The following EXOC6 variants were observed in gnomAD, a reference collection of about 807,000 sequenced individuals.
EXOC6 encodes SEC15-like 1.
In EXOC6, 60 loss-of-function variants were observed where a neutral mutation model predicts 112.5. The ratio of observed to expected loss-of-function variants is 0.53; its 90% confidence interval spans 0.43 to 0.66. The LOEUF (loss-of-function observed/expected upper bound fraction) is 0.66. Among genes scored for constraint, EXOC6 ranks in the 30% least tolerant of loss-of-function variants. EXOC6 has a pLI of 0.00. For missense variants in EXOC6, 855 were observed against 957.1 expected (o/e 0.89, Z 1.41); for synonymous variants, 295 against 308.0 (o/e 0.96, Z 0.44).
intron 18 of EXOC6, among the ~76,000 whole-genome samples, chr10:92,996,662 T>C (rs1843507540): frequency 6.6e-6 from 1 of 152,032 alleles, no homozygotes; most frequent in African/African-American, 2.4e-5. Flanking sequence ...GAGTCAGCTG[T>C]GTAATGCAGA....
In EXOC6 at chr10:92,952,265, T is replaced by C. The variant is rs926017444; in HGVS notation, c.1417-8T>C. 3 of 1,541,698 alleles carry C rather than the reference T, an allele frequency of 1.9e-6. No individual in the cohort carries two copies. The highest frequency in any genetic ancestry group is 2.4e-5 in the South Asian group (2 of 84,906). The stretch of plus-strand genomic sequence containing the variant: ...TTCAAAAACAATATTAACTTTCTTT[T>C]TCTACAGCAGTCTTTCCCAAAGAAA... On this transcript the variant is annotated splice_region_variant and splice_polypyrimidine_tract_variant and intron_variant, in intron 14 of 21. Transcript: ENST00000260762.
intron 5 of EXOC6, among the ~76,000 whole-genome samples, chr10:92,902,775 C>T (rs1479540567): frequency 6.6e-6 from 1 of 152,118 alleles, no homozygotes; most frequent in African/African-American, 2.4e-5. Context: ...ATTTCTCCTC[C>T]CTTCTCTAGA....
At chr10:92,975,631 T>A (rs1211309528) in intron 18 of EXOC6, among the ~76,000 whole-genome samples, 1 of 102,374 alleles carries the variant, frequency 9.8e-6, no homozygotes, top group Non-Finnish European at 2.0e-5. Context: ...GTCAGCCCCC[T>A]GCCCGGCCAG....
intron 20 of EXOC6, among the ~76,000 whole-genome samples, chr10:93,037,285 G>T (rs752076817): frequency 5.3e-5 from 8 of 151,404 alleles, no homozygotes; most frequent in Non-Finnish European, 1.0e-4. Flanking sequence ...GACTACAGGT[G>T]CATGCCACCA....
chr10:92,980,162 A>G (rs1842777484), intron 18 of EXOC6, among the ~76,000 whole-genome samples: 1 of 152,180 alleles, frequency 6.6e-6, no homozygotes, highest in African/African-American at 2.4e-5. Context: ...TTGTTTCTAG[A>G]GGTCTGAGTG....
chr10:92,915,783 T>C lies in EXOC6; in HGVS notation c.689T>C (p.Val230Ala). 1 of 1,536,988 alleles carries C rather than the reference T, an allele frequency of 6.5e-7. No individual in the cohort carries two copies. The highest frequency in any genetic ancestry group is 8.7e-7 in the Non-Finnish European group (1 of 1,153,638). ...KQAQHQKTFS[V>A]SLQKQNKMKF... Reference sequence around the variant, plus strand: ...GCACAGCATCAGAAAACCTTCAGTGTTTCTCTGCAGAAACAAAATAAAATG... The same window carrying C: ...GCACAGCATCAGAAAACCTTCAGTGCTTCTCTGCAGAAACAAAATAAAATG... The change falls in exon 7 of 22, where the codon GTT (valine) becomes GCT (alanine). Residue 230 changes from valine to alanine, a missense_variant. By Grantham distance (64) the Val-to-Ala change is moderately conservative (BLOSUM62 0). Transcript: ENST00000260762.
At chr10:92,899,724 A>G in intron 5 of EXOC6, 80 bp downstream of exon 5, 6 of 1,042,076 alleles carry the variant, frequency 5.8e-6, no homozygotes, top group African/African-American at 4.9e-5. Context: ...ACTATAAATC[A>G]TAGTGAATCA....
rs549829553 is a variant in EXOC6 at position 92,946,220 on chromosome 10, C to T, written c.1311-2054C>T. 3.8e-4 allele frequency among the ~76,000 whole-genome samples: 58 copies of T among 152,120 alleles called. No homozygotes were observed. In the East Asian group the frequency reaches 9.3e-3, roughly 24 times the overall value. ...CTGAGGCAGGAGAATGGCGTGAACC[C>T]GGGAGGCGGAGCTTGCAGTGAGCCA... On this transcript the variant is annotated intron_variant, in intron 13 of 21. Transcript: ENST00000260762.
At chr10:92,847,255 A>C (rs1847082908), upstream of EXOC6, among the ~76,000 whole-genome samples, 1 of 152,264 alleles carries the variant, frequency 6.6e-6, no homozygotes, top group East Asian at 1.9e-4. Flanking sequence ...TATGAGGCAG[A>C]CACTGCCATT....
intron 17 of EXOC6, among the ~76,000 whole-genome samples, chr10:92,963,464 T>C (rs1187343353): frequency 6.6e-6 from 1 of 152,144 alleles, no homozygotes; most frequent in Non-Finnish European, 1.5e-5. Flanking sequence ...CTGCGTACTT[T>C]AGAACTATGA....
chr10:93,037,992 A>G (rs1397742579), intron 20 of EXOC6, among the ~76,000 whole-genome samples: 1 of 144,248 alleles, frequency 6.9e-6, no homozygotes, highest in African/African-American at 2.6e-5. Context: ...GTGAGCCGAG[A>G]TCGCGCCACT....
chr10:93,009,046 T>C (rs1844123430), intron 19 of EXOC6, among the ~76,000 whole-genome samples: 2 of 152,036 alleles, frequency 1.3e-5, no homozygotes, highest in African/African-American at 4.8e-5. Context: ...ATAGTCCCCC[T>C]GTCTCTACAG....
chr10:93,000,078 G>A (rs985231360), intron 19 of EXOC6, among the ~76,000 whole-genome samples: 5 of 152,098 alleles, frequency 3.3e-5, no homozygotes, highest in East Asian at 1.9e-4. Context: ...TTAATATAAC[G>A]TTCATTACTA....
rs559587455 is a variant in EXOC6, at chr10:92,947,932, C to T, written c.1311-342C>T. 2.6e-5 allele frequency among the ~76,000 whole-genome samples: 4 copies of T among 152,216 alleles called. No individual in the cohort carries two copies. The East Asian group carries it at 7.7e-4, about 29-fold the overall frequency. ...AAAGAAAAAATAGAAAGAATTATGA[C>T]AGGAATACTTTCCATTACGTGGATC... On this transcript the variant is annotated intron_variant, in intron 13 of 21. Coordinates refer to ENST00000260762, the MANE Select transcript of EXOC6 (RefSeq NM_019053.6).
intron 20 of EXOC6, among the ~76,000 whole-genome samples, chr10:93,049,977 A>G (rs1353167096): frequency 6.6e-6 from 1 of 152,220 alleles, no homozygotes; most frequent in Non-Finnish European, 1.5e-5. Flanking sequence ...TTCTGTGAAT[A>G]GAGTCAAAAC....
intron 1 of EXOC6, among the ~76,000 whole-genome samples, chr10:92,890,926 C>T (rs1409727770): frequency 6.6e-6 from 1 of 152,066 alleles, no homozygotes; most frequent in Non-Finnish European, 1.5e-5. Flanking sequence ...GGGACAATTC[C>T]CATTAGCTAT....
intron 20 of EXOC6, among the ~76,000 whole-genome samples, chr10:93,040,590 A>G (rs555837802): frequency 2.5e-4 from 38 of 152,200 alleles, no homozygotes; most frequent in South Asian, 4.2e-4. Flanking sequence ...AGCTATTTCC[A>G]ATTTCTCTTC....
chr10:93,037,103 A>G (rs984683397), intron 20 of EXOC6, among the ~76,000 whole-genome samples: 1 of 152,136 alleles, frequency 6.6e-6, no homozygotes, highest in Non-Finnish European at 1.5e-5. Context: ...TTTTCTCTCA[A>G]AATTAATTCA....
chr10:92,966,558 G>A (rs568849131), intron 17 of EXOC6, among the ~76,000 whole-genome samples: 120 of 150,574 alleles, frequency 8.0e-4, no homozygotes, highest in South Asian at 1.5e-3. Context: ...TGGTCCTTGC[G>A]ATAGTTTACT....
Sources: gnomAD v4.1 joint callset for allele counts (sites outside exome capture counted in the v4.1 genomes callset) on GRCh38, gnomAD v4.1.1 for gene constraint, MANE v1.5 for transcripts, NCBI Gene and HGNC (gene_info 2026-07-23, HGNC 2026-07-21) for gene names.